Variants in FAM120B observed in about 807,000 individuals in gnomAD.
FAM120B encodes family with sequence similarity 120 member B.
A neutral mutation model predicts 96.3 loss-of-function variants in FAM120B; 83 were observed. That is an observed-to-expected ratio of 0.86 (90% confidence interval 0.72 to 1.03). The LOEUF (loss-of-function observed/expected upper bound fraction) is 1.03, where lower values mean the gene tolerates loss of function less well. Ranked by LOEUF, FAM120B falls within the 50% of genes least tolerant of loss-of-function variation. FAM120B has a pLI of 0.00. For synonymous variants in FAM120B, 407 were observed against 402.7 expected, an observed-to-expected ratio of 1.01 and a Z score of -0.13; for missense variants, 1,027 against 1,121.2, an observed-to-expected ratio of 0.92 and a Z score of 1.20.
chr6:170,400,372 G>T (rs1002100126), intron 9 of FAM120B, among the ~76,000 whole-genome samples: 10 of 152,130 alleles, frequency 6.6e-5, no homozygotes, highest in Non-Finnish European at 1.5e-4. Context: ...TCAGAAGGCA[G>T]GTGGAGTGGG....
intron 4 of FAM120B, among the ~76,000 whole-genome samples, chr6:170,339,374 C>T (rs1298702968): frequency 6.6e-6 from 1 of 151,752 alleles, no homozygotes; most frequent in Non-Finnish European, 1.5e-5. Flanking sequence ...TTTTCCAGTT[C>T]CAAAATGATT....
At chr6:170,376,892 G>A (rs920644792) in intron 6 of FAM120B, among the ~76,000 whole-genome samples, 3 of 152,134 alleles carry the variant, frequency 2.0e-5, no homozygotes, top group Non-Finnish European at 4.4e-5. Context: ...TAGAGCAAGC[G>A]GGGAATGCCA....
chr6:170,349,926 C>G (rs888540477), intron 5 of FAM120B, among the ~76,000 whole-genome samples: 3 of 152,176 alleles, frequency 2.0e-5, no homozygotes, highest in African/African-American at 7.2e-5. Context: ...AAGGAACCCC[C>G]ACCCCCAGCC....
chr6:170,331,386 G>C (rs533120421), intron 4 of FAM120B, among the ~76,000 whole-genome samples: 2 of 152,310 alleles, frequency 1.3e-5, no homozygotes, highest in Non-Finnish European at 1.5e-5. Flanking sequence ...ACCAAGTACA[G>C]ATCTGAGCAC....
chr6:170,397,083 C>A (rs887908451), intron 9 of FAM120B, among the ~76,000 whole-genome samples: 1 of 152,190 alleles, frequency 6.6e-6, no homozygotes, highest in African/African-American at 2.4e-5. Context: ...CTGGGGGCTC[C>A]CCGTGGGCTG....
intron 1 of FAM120B, among the ~76,000 whole-genome samples, chr6:170,299,199 T>A (rs969570438): frequency 8.5e-5 from 13 of 152,240 alleles, no homozygotes; most frequent in Admixed American, 7.8e-4. Context: ...TTTATTGTTG[T>A]TGTTTTGTTT....
intron 4 of FAM120B, among the ~76,000 whole-genome samples, chr6:170,331,845 G>A (rs866356242): frequency 2.6e-5 from 4 of 152,236 alleles, no homozygotes; most frequent in South Asian, 2.1e-4. Context: ...GTGGGAAAGC[G>A]TGTGTATAGC....
Position 170,358,077 on chromosome 6 carries a change from CAT to C in FAM120B, c.2191-148_2191-147del, listed in dbSNP as rs1407689377. ...GTGCACCTCTGTGTGCTTGTGTGCACATGTGGGTGCCTGTGCGTGTGCCTGTA... is the reference window on the plus strand; with the variant it reads ...GTGCACCTCTGTGTGCTTGTGTGCACGTGGGTGCCTGTGCGTGTGCCTGTA... On this transcript the variant is annotated intron_variant, in intron 5 of 10. Transcript: ENST00000476287. 1.4e-5 allele frequency: 9 copies of C among 646,776 alleles called. No homozygotes were observed. In the East Asian group the frequency reaches 2.5e-4, roughly 18 times the overall value. 40.1% of individuals were successfully genotyped at this position (646,776 alleles called of 1,614,324 possible).
intron 6 of FAM120B, among the ~76,000 whole-genome samples, chr6:170,360,504 T>A (rs966575193): frequency 6.6e-6 from 1 of 152,116 alleles, no homozygotes; most frequent in Non-Finnish European, 1.5e-5. Flanking sequence ...ATAAAGATGC[T>A]GTAGAAAAAG....
chr6:170,296,708 G>C (rs1411204945), intron 1 of FAM120B, among the ~76,000 whole-genome samples: 1 of 152,016 alleles, frequency 6.6e-6, no homozygotes, highest in Non-Finnish European at 1.5e-5. Flanking sequence ...AGCGCGGCCC[G>C]CCGAGACCCC....
At chr6:170,324,704 T>C (rs550572041) in intron 3 of FAM120B, among the ~76,000 whole-genome samples, 28 of 152,352 alleles carry the variant, frequency 1.8e-4, no homozygotes, top group South Asian at 6.2e-4. Flanking sequence ...ACCATTCACA[T>C]TGAATTTGTC....
chr6:170,381,290 T>C (rs912316089), intron 6 of FAM120B, among the ~76,000 whole-genome samples: 3 of 152,202 alleles, frequency 2.0e-5, no homozygotes, highest in Non-Finnish European at 4.4e-5. Flanking sequence ...AACTTAGATG[T>C]AGGGGCCAAA....
chr6:170,357,633 C>T (rs529371039), intron 5 of FAM120B, among the ~76,000 whole-genome samples: 4 of 152,288 alleles, frequency 2.6e-5, no homozygotes, highest in African/African-American at 9.6e-5. Context: ...TGTGGATATT[C>T]GCTCTCTGAA....
At chr6:170,316,058 C>CAAAAAAA (rs35344814) in intron 1 of FAM120B, among the ~76,000 whole-genome samples, 4 of 91,834 alleles carry the variant, frequency 4.4e-5, no homozygotes, top group Middle Eastern at 6.4e-3. Context: ...GACCCGGTCT[C>CAAAAAAA]AAAAAAAAAA....
chr6:170,295,249 A>AAC (rs1053282345), upstream of FAM120B: 6 of 596,818 alleles, frequency 1.0e-5, no homozygotes, highest in Non-Finnish European at 1.5e-5. The surrounding 1 kb of genome is among the most constrained non-coding windows in gnomAD (Gnocchi z 7.8). Context: ...CTTACCCCCC[A>AAC]ACACACACAC....
intron 6 of FAM120B, among the ~76,000 whole-genome samples, chr6:170,373,448 G>A (rs1789315845): frequency 6.6e-6 from 1 of 152,138 alleles, no homozygotes; most frequent in Admixed American, 6.5e-5. Flanking sequence ...GAGTCACCAG[G>A]TGACTTTCTC....
chr6:170,309,930 A>G (rs762948470), intron 1 of FAM120B, among the ~76,000 whole-genome samples: 2 of 152,218 alleles, frequency 1.3e-5, no homozygotes, highest in Non-Finnish European at 2.9e-5. Context: ...ATATAATGTT[A>G]TGTTGTGATG....
intron 1 of FAM120B, among the ~76,000 whole-genome samples, chr6:170,313,929 C>G (rs1295387016): frequency 6.6e-6 from 1 of 152,232 alleles, no homozygotes; most frequent in East Asian, 1.9e-4. Context: ...AGTCCCTCAT[C>G]CCTGTGTCCA....
At chr6:170,380,789 C>T (rs1345074231) in intron 6 of FAM120B, among the ~76,000 whole-genome samples, 2 of 152,208 alleles carry the variant, frequency 1.3e-5, no homozygotes, top group Non-Finnish European at 2.9e-5. Context: ...TTCTCCCAGT[C>T]CATAGACTGC....
Sources: gnomAD v4.1 joint callset for allele counts (sites outside exome capture counted in the v4.1 genomes callset) on GRCh38, gnomAD v4.1.1 for gene constraint, Gnocchi (gnomAD v3.1) non-coding constraint, MANE v1.5 for transcripts, NCBI Gene and HGNC (gene_info 2026-07-23, HGNC 2026-07-21) for gene names.